ADAM12: variants seen among roughly 807,000 people sequenced by gnomAD.
ADAM12 encodes the protein ADAM metallopeptidase domain 12.
A neutral mutation model predicts 106.4 loss-of-function variants in ADAM12; 70 were observed. The ratio of observed to expected loss-of-function variants is 0.66; its 90% confidence interval spans 0.54 to 0.80. The LOEUF (loss-of-function observed/expected upper bound fraction) is 0.80, where lower values mean the gene tolerates loss of function less well. Among genes scored for constraint, ADAM12 ranks in the 30% least tolerant of loss-of-function variants. The pLI is 0.00. For missense variants in ADAM12, 1,010 were observed against 1,171.9 expected, an observed-to-expected ratio of 0.86 and a Z score of 2.02; for synonymous variants, 420 against 433.5, an observed-to-expected ratio of 0.97 and a Z score of 0.39.
At chr10:126,160,806 C>G (rs577686749) in intron 3 of ADAM12, among the ~76,000 whole-genome samples, 4 of 152,340 alleles carry the variant, frequency 2.6e-5, no homozygotes, top group African/African-American at 7.2e-5. Flanking sequence ...ACTGTGCTCA[C>G]TTTTCCCTCT....
At chr10:126,367,256 TAAC>T (rs1389964394) in intron 1 of ADAM12, among the ~76,000 whole-genome samples, 1 of 151,860 alleles carries the variant, frequency 6.6e-6, no homozygotes, top group African/African-American at 2.4e-5. Context: ...TAGAAATTAA[TAAC>T]AAAAATCTTA....
chr10:126,247,623 G>C (rs1958655598), intron 3 of ADAM12, among the ~76,000 whole-genome samples: 1 of 152,202 alleles, frequency 6.6e-6, no homozygotes. Context: ...CCAAAGAAAA[G>C]AGTGAATCAT....
At chr10:126,121,130 A>AGTGT (rs369707256) in intron 5 of ADAM12, among the ~76,000 whole-genome samples, 1 of 75,608 alleles carries the variant, frequency 1.3e-5, no homozygotes, top group African/African-American at 6.2e-5. Flanking sequence ...TAGTATATAT[A>AGTGT]CTATATACTA....
At chr10:126,135,187 G>A (rs905904901) in intron 5 of ADAM12, among the ~76,000 whole-genome samples, 1 of 152,210 alleles carries the variant, frequency 6.6e-6, no homozygotes, top group African/African-American at 2.4e-5. Flanking sequence ...ATGAGAGGAG[G>A]CCCTTTAAGA....
chr10:126,155,147 G>T, intron 4 of ADAM12, 80 bp downstream of exon 4: 2 of 1,482,818 alleles, frequency 1.3e-6, no homozygotes, highest in South Asian at 1.2e-5. Context: ...ATGTGATTTT[G>T]CTCCGAATAA....
Position 126,053,749 on chromosome 10 carries a change from A to G in ADAM12, c.1610-4080T>C, listed in dbSNP as rs3101208. Among the ~76,000 whole-genome samples the G allele has an allele frequency of 0.54, 82,657 of 151,700 alleles. 22,747 individuals carry two copies. The highest frequency in any genetic ancestry group is 0.63 in the Admixed American group (9,678 of 15,254). ...AGAGAGAGTTTCGCTCTTGTTGCCC[A>G]GGCTCGAGTGCAATGGTGTGATCTC... On this transcript the variant is annotated intron_variant, in intron 14 of 22. Coordinates refer to ENST00000448723, the MANE Select transcript of ADAM12 (RefSeq NM_001288973.2). The surrounding 1 kb of genome is among the most constrained non-coding windows in gnomAD (Gnocchi z 4.6).
At chr10:126,252,077 AATGGATTAG>A (rs1958790330) in intron 3 of ADAM12, among the ~76,000 whole-genome samples, 1 of 125,370 alleles carries the variant, frequency 8.0e-6, no homozygotes, top group South Asian at 3.0e-4. Context: ...GGATGGGATG[AATGGATTAG>A]ATGGATGGGA....
intron 1 of ADAM12, among the ~76,000 whole-genome samples, chr10:126,352,565 G>T: frequency 6.6e-6 from 1 of 152,326 alleles, no homozygotes; most frequent in East Asian, 1.9e-4. Flanking sequence ...TGAACTGCTT[G>T]GACCACAGCT....
At chr10:126,070,243 T>C (rs1329320699) in intron 12 of ADAM12, 3 of 152,166 alleles carry the variant, frequency 2.0e-5, no homozygotes, top group African/African-American at 7.2e-5. Context: ...ACAGCAACCA[T>C]TCCCTGCTCA....
intron 1 of ADAM12, among the ~76,000 whole-genome samples, chr10:126,374,875 A>AT (rs1856226548): frequency 6.6e-6 from 1 of 152,154 alleles, no homozygotes; most frequent in African/African-American, 2.4e-5. Context: ...ATATAAAACC[A>AT]TATAAAAACA....
chr10:126,154,685 C>T (rs1956782374), intron 4 of ADAM12, among the ~76,000 whole-genome samples: 1 of 152,100 alleles, frequency 6.6e-6, no homozygotes, highest in Non-Finnish European at 1.5e-5. Flanking sequence ...GTTAAAGCAA[C>T]AAATGAAGTG....
chr10:126,344,594 AT>A (rs1406421614), intron 1 of ADAM12, among the ~76,000 whole-genome samples: 1 of 152,144 alleles, frequency 6.6e-6, no homozygotes, highest in Non-Finnish European at 1.5e-5. Flanking sequence ...GTGGCATTGA[AT>A]CTATAAATTA....
chr10:126,164,229 T>G (rs550967128), intron 3 of ADAM12, among the ~76,000 whole-genome samples: 8 of 152,352 alleles, frequency 5.3e-5, no homozygotes, highest in Non-Finnish European at 8.8e-5. Flanking sequence ...GAGGGTTTAA[T>G]TATTCTGTAC....
At chr10:126,369,051 A>T (rs970157080) in intron 1 of ADAM12, among the ~76,000 whole-genome samples, 3 of 152,204 alleles carry the variant, frequency 2.0e-5, no homozygotes, top group Non-Finnish European at 2.9e-5. Context: ...ATGTTCCTTT[A>T]AGATGTTCCT....
At chr10:126,165,593 C>T (rs1476769277) in intron 3 of ADAM12, among the ~76,000 whole-genome samples, 4 of 152,170 alleles carry the variant, frequency 2.6e-5, no homozygotes, top group Admixed American at 6.5e-5. Context: ...AGCCACACAG[C>T]TGAGCCCTGG....
Position 126,161,184 on chromosome 10 carries a change from C to T in ADAM12, c.261-5879G>A, listed in dbSNP as rs1956927230. On this transcript the variant is annotated intron_variant, in intron 3 of 22. Transcript: ENST00000448723. ...ATCGCTGTATTCCCTCACTTCCAGC[C>T]CTGCAGAGAGCCTGCACCTCCTCCT... Among the ~76,000 whole-genome samples the T allele has an allele frequency of 2.0e-5, 3 of 152,336 alleles. No homozygotes were observed. The South Asian group carries it at 6.2e-4, about 32-fold the overall frequency.
At chr10:126,167,627 C>T (rs922230129) in intron 3 of ADAM12, among the ~76,000 whole-genome samples, 3 of 150,150 alleles carry the variant, frequency 2.0e-5, no homozygotes, top group South Asian at 2.1e-4. Context: ...TTCAATAATG[C>T]GAGTGAACGA....
At chr10:126,078,321 G>C (rs555160000) in intron 11 of ADAM12, among the ~76,000 whole-genome samples, 68 of 152,228 alleles carry the variant, frequency 4.5e-4, no homozygotes, top group Admixed American at 7.9e-4. Flanking sequence ...ATTCCAATAT[G>C]ACCTGAACCT....
Position 126,313,638 on chromosome 10 carries a change from T to C in ADAM12, c.186+16774A>G, listed in dbSNP as rs1210036109. ...GTCCATCTGTCCATCCAGCCATCTATCCATCTGTCCATCCGTCGATCTGTC... is the reference window on the plus strand; with the variant it reads ...GTCCATCTGTCCATCCAGCCATCTACCCATCTGTCCATCCGTCGATCTGTC... On this transcript the variant is annotated intron_variant, in intron 2 of 22. Transcript: ENST00000448723. Among the ~76,000 whole-genome samples the C allele has an allele frequency of 2.6e-5, 4 of 152,182 alleles. No individual in the cohort carries two copies. The East Asian group carries it at 7.7e-4, about 29-fold the overall frequency.
Sources: gnomAD v4.1 joint callset for allele counts (sites outside exome capture counted in the v4.1 genomes callset) on GRCh38, gnomAD v4.1.1 for gene constraint, Gnocchi (gnomAD v3.1) non-coding constraint, MANE v1.5 for transcripts, NCBI Gene and HGNC (gene_info 2026-07-23, HGNC 2026-07-21) for gene names.